The following RAD51B variants were observed in gnomAD, a reference collection of about 807,000 sequenced individuals.
RAD51B encodes DNA repair protein RAD51 homolog 2.
In RAD51B, 38 loss-of-function variants were observed where a neutral mutation model predicts 42.2. That is an observed-to-expected ratio of 0.90 (90% CI 0.70 to 1.18). The LOEUF (loss-of-function observed/expected upper bound fraction) is 1.18. Ranked by LOEUF, RAD51B falls within the 50% of genes most tolerant of loss-of-function variation. The probability of loss-of-function intolerance (pLI) is 0.00; values close to 1 mark genes in which losing one functional copy is unlikely to be tolerated. For synonymous variants in RAD51B, 154 were observed against 145.2 expected (o/e 1.06, Z -0.43); for missense variants, 373 against 400.7 (o/e 0.93, Z 0.59).
At chr14:68,398,679 C>T (rs991002389) in intron 8 of RAD51B, among the ~76,000 whole-genome samples, 3 of 152,080 alleles carry the variant, frequency 2.0e-5, no homozygotes, top group Non-Finnish European at 4.4e-5. Flanking sequence ...CTCTATTCCT[C>T]TTGGGAAGCA....
intron 5 of RAD51B, among the ~76,000 whole-genome samples, chr14:67,877,964 C>G (rs1056217149): frequency 2.0e-5 from 3 of 152,172 alleles, no homozygotes; most frequent in Non-Finnish European, 4.4e-5. Flanking sequence ...CATGCCTGGC[C>G]AGAAATTTGT....
chr14:68,501,123 G>C (rs560167954), intron 10 of RAD51B, among the ~76,000 whole-genome samples: 1 of 152,268 alleles, frequency 6.6e-6, no homozygotes, highest in South Asian at 2.1e-4. Context: ...TTTCAGGTTG[G>C]AGGGAGTTCG....
chr14:68,510,143 G>C (rs1885625092), intron 10 of RAD51B, among the ~76,000 whole-genome samples: 1 of 152,124 alleles, frequency 6.6e-6, no homozygotes. Context: ...TCCAGGATCT[G>C]TCTCCCCTAC....
At chr14:68,415,071 C>T (rs1027203883) in intron 9 of RAD51B, among the ~76,000 whole-genome samples, 1 of 142,472 alleles carries the variant, frequency 7.0e-6, no homozygotes, top group Non-Finnish European at 1.5e-5. Flanking sequence ...CAGTGGTTCT[C>T]AAACCTGGCT....
At chr14:67,965,064 T>C (rs541716171) in intron 7 of RAD51B, among the ~76,000 whole-genome samples, 1 of 152,270 alleles carries the variant, frequency 6.6e-6, no homozygotes, top group Admixed American at 6.5e-5. Flanking sequence ...ACAGAGAAAA[T>C]TGGCAAACAA....
intron 4 of RAD51B, among the ~76,000 whole-genome samples, chr14:67,838,280 A>G (rs1258367474): frequency 6.6e-6 from 1 of 152,210 alleles, no homozygotes. Context: ...CTGATTTCAT[A>G]CTGTGTATCA....
At chr14:68,130,888 GTGTT>G in intron 7 of RAD51B, among the ~76,000 whole-genome samples, 1 of 152,172 alleles carries the variant, frequency 6.6e-6, no homozygotes. Context: ...GTGTGGGTGT[GTGTT>G]TGTGTGTGTG....
At chr14:68,573,971 A>G (rs1315284392) in intron 10 of RAD51B, among the ~76,000 whole-genome samples, 1 of 81,354 alleles carries the variant, frequency 1.2e-5, no homozygotes, top group Admixed American at 1.5e-4. Context: ...TGTGGGTGTC[A>G]GTGTGTGTAT....
chr14:68,137,699 A>G (rs976292861), intron 7 of RAD51B, among the ~76,000 whole-genome samples: 2 of 152,222 alleles, frequency 1.3e-5, no homozygotes, highest in Non-Finnish European at 2.9e-5. Flanking sequence ...ACTACAGTCC[A>G]CAGGTGTTCA....
intron 7 of RAD51B, among the ~76,000 whole-genome samples, chr14:68,269,478 G>A (rs1178268318): frequency 6.6e-6 from 1 of 152,162 alleles, no homozygotes; most frequent in Non-Finnish European, 1.5e-5. Flanking sequence ...CTGGGACCCT[G>A]CCCTGAACCC....
At chr14:68,338,811 T>G (rs561644855) in intron 8 of RAD51B, 1 of 583,294 alleles carries the variant, frequency 1.7e-6, no homozygotes, top group African/African-American at 1.9e-5. Flanking sequence ...ACCCAGGACA[T>G]TGCCTCCCCA....
chr14:68,362,990 G>A (rs2083062796), intron 8 of RAD51B, among the ~76,000 whole-genome samples: 1 of 152,230 alleles, frequency 6.6e-6, no homozygotes, highest in Non-Finnish European at 1.5e-5. Context: ...ACTGGGAGGA[G>A]AGAGGGCAAC....
At chr14:68,653,703 A>G (rs1224263932) in intron 11 of RAD51B, among the ~76,000 whole-genome samples, 3 of 152,244 alleles carry the variant, frequency 2.0e-5, no homozygotes, top group East Asian at 1.9e-4. Context: ...AGATAGATAG[A>G]TATGCAAATG....
chr14:68,344,399 G>A (rs1319155437), intron 8 of RAD51B, among the ~76,000 whole-genome samples: 2 of 152,322 alleles, frequency 1.3e-5, no homozygotes, highest in East Asian at 3.9e-4. Context: ...TGTAATCCCA[G>A]CACTTTGGGA....
intron 7 of RAD51B, among the ~76,000 whole-genome samples, chr14:68,061,130 T>G (rs1204860403): frequency 6.9e-6 from 1 of 144,250 alleles, no homozygotes; most frequent in Non-Finnish European, 1.5e-5. Context: ...GTGCAGTCTC[T>G]CAATCTTGGC....
At chr14:68,539,411 C>T (rs1047820132) in intron 10 of RAD51B, among the ~76,000 whole-genome samples, 3 of 152,206 alleles carry the variant, frequency 2.0e-5, no homozygotes, top group African/African-American at 4.8e-5. Context: ...GCCAGCACTC[C>T]GCCCCCTCCT....
At chr14:68,203,946 A>C (rs966347307) in intron 7 of RAD51B, among the ~76,000 whole-genome samples, 1 of 152,264 alleles carries the variant, frequency 6.6e-6, no homozygotes, top group Non-Finnish European at 1.5e-5. Flanking sequence ...ACTTTGGCTT[A>C]AGGGAATGTT....
In RAD51B at chr14:68,465,038, T is replaced by G. The variant is rs1004995610; in HGVS notation, c.958-3134T>G. On this transcript the variant is annotated intron_variant, in intron 9 of 10. Coordinates refer to ENST00000471583, the MANE Select transcript of RAD51B (RefSeq NM_133510.4). The stretch of plus-strand genomic sequence containing the variant: ...CAGAGTTGGAAGGCTTAGGCTCAGA[T>G]GCCATTCTTGTGTCTCATTGAAATA... Among the ~76,000 whole-genome samples the G allele has an allele frequency of 3.3e-5, 5 of 152,198 alleles. No individual in the cohort carries two copies. In the East Asian group the frequency reaches 9.6e-4, roughly 29 times the overall value.
At chr14:68,426,762 A>T (rs2084861662) in intron 9 of RAD51B, among the ~76,000 whole-genome samples, 1 of 152,226 alleles carries the variant, frequency 6.6e-6, no homozygotes, top group Non-Finnish European at 1.5e-5. Context: ...GATTAGTATG[A>T]ATAGAAGAAA....
Sources: gnomAD v4.1 joint callset for allele counts (sites outside exome capture counted in the v4.1 genomes callset) on GRCh38, gnomAD v4.1.1 for gene constraint, MANE v1.5 for transcripts, NCBI Gene and HGNC (gene_info 2026-07-23, HGNC 2026-07-21) for gene names.